Variants in FRMPD4 observed in about 807,000 individuals in gnomAD.
FRMPD4 encodes the protein FERM and PDZ domain-containing protein 4.
FRMPD4 carries 22 observed loss-of-function variants against 94.1 expected under a neutral mutation model. That is an observed-to-expected ratio of 0.23 (90% CI 0.17 to 0.33). The LOEUF is 0.33. Ranked by LOEUF, FRMPD4 falls within the 10% of genes least tolerant of loss-of-function variation. The pLI is 1.00. For synonymous variants in FRMPD4, 631 were observed against 548.6 expected, an observed-to-expected ratio of 1.15 and a Z score of -2.10; for missense variants, 1,111 against 1,339.9, an observed-to-expected ratio of 0.83 and a Z score of 2.67.
rs201285510 is a variant in FRMPD4 at position 12,382,472 on chromosome X, C to CTAGCA, written c.42-116154_42-116150dup. Among the ~76,000 whole-genome samples, 23 of 80,870 alleles carry CTAGCA rather than the reference C, an allele frequency of 2.8e-4. 1 individual carries two copies. The highest frequency in any genetic ancestry group is 8.9e-4 in the African/African-American group (17 of 19,123). The allele number at this position is 80,870 out of a possible 115,157, so 70.2% of individuals were successfully genotyped here. On this transcript the variant is annotated intron_variant, in intron 1 of 16. Transcript: ENST00000675598. ...TTCTCACCTACACTTGGTGACTCTC[C>CTAGCA]TAGCATAGCATAGCATAGCATAGCA...
At chrX:12,584,826 T>C (rs1284339721) in intron 2 of FRMPD4, among the ~76,000 whole-genome samples, 3 of 112,309 alleles carry the variant, frequency 2.7e-5, no homozygotes, top group Non-Finnish European at 5.6e-5. Context: ...ACTTCTAGAG[T>C]GGAATAAGTG....
chrX:12,196,159 C>T (rs1420541281), intron 1 of FRMPD4, among the ~76,000 whole-genome samples: 1 of 111,908 alleles, frequency 8.9e-6, no homozygotes, highest in Non-Finnish European at 1.9e-5. Context: ...AAGCTAGCTG[C>T]TAAATACTAT....
At chrX:12,167,407 G>T (rs2056139840) in intron 1 of FRMPD4, among the ~76,000 whole-genome samples, 1 of 111,427 alleles carries the variant, frequency 9.0e-6, no homozygotes, top group Non-Finnish European at 1.9e-5. Context: ...ATTGCACTGT[G>T]GTCTGAGAGA....
Position 12,511,115 on chromosome X carries a change from C to T in FRMPD4, c.158+12319C>T, listed in dbSNP as rs139164550. On this transcript the variant is annotated intron_variant, in intron 2 of 16. Coordinates refer to ENST00000675598, the MANE Select transcript of FRMPD4 (RefSeq NM_001368397.1). Reference sequence around the variant, plus strand: ...AGTTTGGAGAGGTCCTAGAATCTATCGCGGAGCTAATCCGTGAAGATTTTT... The same window carrying T: ...AGTTTGGAGAGGTCCTAGAATCTATTGCGGAGCTAATCCGTGAAGATTTTT... Among the ~76,000 whole-genome samples, 517 of 111,781 alleles carry T rather than the reference C, an allele frequency of 4.6e-3. 4 individuals carry two copies. The highest frequency in any genetic ancestry group is 0.016 in the African/African-American group (485 of 30,751).
intron 1 of FRMPD4, among the ~76,000 whole-genome samples, chrX:12,292,542 T>G (rs1425393908): frequency 1.8e-5 from 2 of 111,164 alleles, no homozygotes; most frequent in Non-Finnish European, 3.8e-5. Context: ...GTGTTCATTA[T>G]TTAACTTAGA....
intron 3 of FRMPD4, among the ~76,000 whole-genome samples, chrX:12,018,401 C>CT (rs752619316): frequency 1.3e-3 from 146 of 109,110 alleles, no homozygotes; most frequent in East Asian, 4.6e-3. Flanking sequence ...ATTTCCCCTT[C>CT]TTTTTTTTTG....
intron 1 of FRMPD4, among the ~76,000 whole-genome samples, chrX:12,481,824 C>T (rs1275275568): frequency 9.6e-6 from 1 of 104,186 alleles, no homozygotes; most frequent in Admixed American, 1.0e-4. Flanking sequence ...CACCTGTAGT[C>T]CCAGCTGCTG....
intron 1 of FRMPD4, among the ~76,000 whole-genome samples, chrX:12,197,208 G>A (rs1243316542): frequency 9.0e-6 from 1 of 111,319 alleles, no homozygotes; most frequent in Non-Finnish European, 1.9e-5. Context: ...AAATGAGCAT[G>A]TGTGGACTTT....
chrX:12,259,668 C>T (rs774405080), intron 1 of FRMPD4, among the ~76,000 whole-genome samples: 1 of 111,666 alleles, frequency 9.0e-6, no homozygotes, highest in Non-Finnish European at 1.9e-5. Flanking sequence ...TCCTGCTCAT[C>T]CTCCGTTGGT....
intron 1 of FRMPD4, among the ~76,000 whole-genome samples, chrX:11,839,230 G>C (rs1239627994): frequency 2.7e-5 from 3 of 111,425 alleles, no homozygotes; most frequent in African/African-American, 9.8e-5. Context: ...TAGTATATAA[G>C]GGTTCTAGTT....
At chrX:12,055,515 G>T (rs1050331532) in intron 3 of FRMPD4, among the ~76,000 whole-genome samples, 8 of 112,031 alleles carry the variant, frequency 7.1e-5, no homozygotes, top group African/African-American at 2.6e-4. Context: ...GCTTCCTGAG[G>T]CCTCACCAGA....
chrX:11,882,673 C>T (rs2053820681), intron 3 of FRMPD4, among the ~76,000 whole-genome samples: 1 of 111,886 alleles, frequency 8.9e-6, no homozygotes, highest in African/African-American at 3.2e-5. Context: ...CATGTTTAGA[C>T]TTGAGTCCCA....
chrX:11,994,445 T>C (rs941347395), intron 3 of FRMPD4, among the ~76,000 whole-genome samples: 1 of 111,608 alleles, frequency 9.0e-6, no homozygotes, highest in Non-Finnish European at 1.9e-5. Context: ...GGTAAAATAC[T>C]GAGTTACTAC....
intron 2 of FRMPD4, among the ~76,000 whole-genome samples, chrX:12,508,944 A>G (rs2058013814): frequency 1.0e-5 from 1 of 96,121 alleles, no homozygotes; most frequent in Admixed American, 1.2e-4. Context: ...GTGAGCTGAG[A>G]TCGCACCATT....
intron 9 of FRMPD4, among the ~76,000 whole-genome samples, chrX:12,699,762 A>T (rs1033260478): frequency 1.8e-5 from 2 of 112,832 alleles, no homozygotes; most frequent in Non-Finnish European, 3.7e-5. Context: ...ACGTATATCC[A>T]TGGGAGCCTT....
chrX:11,862,538 T>G (rs1013690413), intron 1 of FRMPD4, among the ~76,000 whole-genome samples: 1 of 111,213 alleles, frequency 9.0e-6, no homozygotes, highest in African/African-American at 3.3e-5. Flanking sequence ...ACAGACCTCC[T>G]ACAGTTGTGT....
At chrX:12,548,537 G>T (rs1204080153) in intron 2 of FRMPD4, among the ~76,000 whole-genome samples, 2 of 112,664 alleles carry the variant, frequency 1.8e-5, no homozygotes, top group African/African-American at 6.4e-5. Flanking sequence ...TCAACTGCCT[G>T]GCAACATGCC....
intron 2 of FRMPD4, among the ~76,000 whole-genome samples, chrX:12,502,754 T>G (rs1037895030): frequency 2.2e-4 from 25 of 111,857 alleles, no homozygotes; most frequent in African/African-American, 8.1e-4. Flanking sequence ...GATACATAGA[T>G]GGATATAGAC....
intron 1 of FRMPD4, among the ~76,000 whole-genome samples, chrX:12,366,163 A>G (rs995546479): frequency 6.2e-5 from 7 of 112,340 alleles, no homozygotes; most frequent in African/African-American, 2.3e-4. Flanking sequence ...TGCAGTACAC[A>G]AAAGGGTTTG....
Sources: allele counts gnomAD v4.1 joint callset (sites outside exome capture counted in the v4.1 genomes callset), GRCh38; gene constraint gnomAD v4.1.1; transcripts MANE v1.5; gene names NCBI Gene and HGNC (gene_info 2026-07-23, HGNC 2026-07-21).